Variants in HNF1A observed in about 807,000 individuals in gnomAD.
The protein encoded by HNF1A is HNF1 homeobox A.
A neutral mutation model predicts 62.2 loss-of-function variants in HNF1A; 21 were observed. The ratio of observed to expected loss-of-function variants is 0.34; its 90% CI spans 0.24 to 0.49. The LOEUF is 0.49. Ranked by LOEUF, HNF1A falls within the 20% of genes least tolerant of loss-of-function variation. The pLI, the probability that HNF1A is intolerant of heterozygous loss-of-function variation, is 0.99. For missense variants in HNF1A, 687 were observed against 832.3 expected (o/e 0.83, Z 2.15); for synonymous variants, 374 against 366.8 (o/e 1.02, Z -0.22).
chr12:120,981,122 G>T (rs1237077263), intron 1 of HNF1A, among the ~76,000 whole-genome samples: 3 of 151,874 alleles, frequency 2.0e-5, no homozygotes, highest in African/African-American at 7.3e-5. Flanking sequence ...GAAAAAAGTG[G>T]GGCCTCCAGC....
chr12:120,997,078 G>C, intron 6 of HNF1A: 2 of 1,410,894 alleles, frequency 1.4e-6, no homozygotes, highest in East Asian at 2.9e-5. Flanking sequence ...ATTAAGCCCA[G>C]AAAGCCCTTA....
At position 120,989,047 on chromosome 12, in the gene HNF1A, T is replaced by C. The variant is rs2135833033; in HGVS notation, c.526+15T>C. ...GGTGGCGCAGCGTAAGTAATGACCC[T>C]ACCCCGCATCTTCCCTGGGAGGGCC... On this transcript the variant is annotated intron_variant, in intron 2 of 9. Transcript: ENST00000257555. The C allele has an allele frequency of 1.2e-6, 2 of 1,613,414 alleles. No individual in the cohort carries two copies. The highest frequency in any genetic ancestry group is 1.7e-6 in the Non-Finnish European group (2 of 1,179,612).
rs989574460 is a variant in HNF1A at position 120,999,755 on chromosome 12, G to A, written c.1768+128G>A. The A allele has an allele frequency of 3.2e-6, 4 of 1,253,146 alleles. No homozygotes were observed. In the African/African-American group the frequency reaches 6.0e-5, roughly 19 times the overall value. 77.6% of individuals were successfully genotyped at this position (1,253,146 alleles called of 1,614,324 possible). On this transcript the variant is annotated intron_variant, in intron 9 of 9. Transcript: ENST00000257555. The stretch of plus-strand genomic sequence containing the variant: ...GCAGGCCTAGGGCTGCTGTGAGGAA[G>A]CACTGGCAGGCGTGGAGGGGTGGGG...
At position 120,994,319 on chromosome 12, in the gene HNF1A, C is replaced by T. The variant is rs778231679; in HGVS notation, c.869C>T (p.Pro290Leu). ...GCCATGGACACGTACAGCGGGCCCC[C>T]CCCAGGGCCAGGCCCGGGACCTGCG... ...KLAMDTYSGP[P>L]PGPGPGPALP... The change falls in exon 4 of 10, where the codon CCC (proline) becomes CTC (leucine). Residue 290 changes from proline (P) to leucine (L), a missense_variant. Pro to Leu is a moderately conservative substitution (Grantham distance 98). Transcript: ENST00000257555. The T allele has an allele frequency of 4.3e-6, 7 of 1,610,344 alleles. No homozygotes were observed. Among genetic ancestry groups the T allele is most frequent in the East Asian group, 2.2e-5 (1 of 44,802 alleles).
Position 121,002,455 on chromosome 12 carries a change from G to A in HNF1A, c.*1263G>A, listed in dbSNP as rs1354284833. ...CACCCCCTGCAGCTTGTAGCCAGCC[G>A]GGGCGAGTGGCACGTTTATTTAACT... On this transcript the variant is annotated 3_prime_UTR_variant, in exon 10 of 10. Coordinates refer to ENST00000257555, the MANE Select transcript of HNF1A (RefSeq NM_000545.8). The A allele has an allele frequency of 4.3e-5, 23 of 529,122 alleles. No individual in the cohort carries two copies. The East Asian group carries it at 5.6e-4, about 13-fold the overall frequency. The allele number at this position is 529,122 out of a possible 1,614,324, so 32.8% of individuals were successfully genotyped here.
At position 120,996,197 on chromosome 12, in the gene HNF1A, G is replaced by A; in HGVS notation, c.956-65G>A. The A allele has an allele frequency of 1.3e-6, 2 of 1,588,792 alleles. No homozygotes were observed. The highest frequency in any genetic ancestry group is 1.3e-5 in the African/African-American group (1 of 74,456). On this transcript the variant is annotated intron_variant, in intron 4 of 9. Transcript: ENST00000257555. The surrounding 1 kb of genome is among the most constrained non-coding windows in gnomAD (Gnocchi z 4.5). ...AACCAATGGAGTTTGAAGTGCTGAG[G>A]GCTGTGGAGGCAGGGGAGGGCAGGG...
chr12:120,993,811 G>C (rs1466584008), intron 3 of HNF1A, 105 bp downstream of exon 3: 1 of 1,211,018 alleles, frequency 8.3e-7, no homozygotes, highest in East Asian at 2.5e-5. Flanking sequence ...CAGTTGCCGA[G>C]AACTCCTGAT....
chr12:120,999,917 G>C (rs753282257), intron 9 of HNF1A, among the ~76,000 whole-genome samples: 8 of 152,244 alleles, frequency 5.3e-5, no homozygotes, highest in Non-Finnish European at 1.0e-4. Flanking sequence ...ATAAGGACCA[G>C]GTCTGTGAGC....
rs777653568 is a variant in HNF1A, at chr12:120,978,706, A to C, written c.-63A>C. The C allele has an allele frequency of 6.6e-7, 1 of 1,512,592 alleles. No individual in the cohort carries two copies. The highest frequency in any genetic ancestry group is 9.2e-7 in the Non-Finnish European group (1 of 1,091,926). The allele number at this position is 1,512,592 out of a possible 1,614,324, so 93.7% of individuals were successfully genotyped here. On this transcript the variant is annotated 5_prime_UTR_variant, in exon 1 of 10. Coordinates refer to ENST00000257555, the MANE Select transcript of HNF1A (RefSeq NM_000545.8). ...GCCGGCCGGCAGGCAAACGCAACCC[A>C]CGCGGTGGGGGAGGCGGCTAGCGTG...
chr12:120,988,603 C>T (rs914271244), intron 1 of HNF1A, among the ~76,000 whole-genome samples: 3 of 152,208 alleles, frequency 2.0e-5, no homozygotes, highest in Non-Finnish European at 2.9e-5. Context: ...CATGTGTGTG[C>T]GTCTACAAGT....
chr12:120,978,690 C>A lies in HNF1A; in HGVS notation c.-79C>A. The A allele has an allele frequency of 7.3e-7, 1 of 1,375,640 alleles. No homozygotes were observed. The highest frequency in any genetic ancestry group is 1.0e-6 in the Non-Finnish European group (1 of 969,142). The allele number at this position is 1,375,640 out of a possible 1,614,324, so 85.2% of individuals were successfully genotyped here. A position where few individuals can be genotyped will look rare whatever the true frequency, so the allele number is the denominator to read the frequency against. On this transcript the variant is annotated 5_prime_UTR_variant, in exon 1 of 10. Transcript: ENST00000257555. Reference sequence around the variant, plus strand: ...AGTTTGGTTTGTGTCTGCCGGCCGGCAGGCAAACGCAACCCACGCGGTGGG... The same window carrying A: ...AGTTTGGTTTGTGTCTGCCGGCCGGAAGGCAAACGCAACCCACGCGGTGGG...
intron 9 of HNF1A, among the ~76,000 whole-genome samples, chr12:121,000,161 T>A (rs11065389): frequency 6.6e-6 from 1 of 152,176 alleles, no homozygotes; most frequent in South Asian, 2.1e-4. Flanking sequence ...GAGTTTGTAA[T>A]CTATGATGCC....
chr12:120,994,656 T>C (rs948977789), intron 4 of HNF1A, among the ~76,000 whole-genome samples: 3 of 149,648 alleles, frequency 2.0e-5, no homozygotes, highest in African/African-American at 7.6e-5. Flanking sequence ...CTCCATCCAC[T>C]ACCTTCGACT....
At chr12:121,000,811 C>G (rs757311216) in intron 9 of HNF1A, 3 of 527,224 alleles carry the variant, frequency 5.7e-6, no homozygotes, top group Non-Finnish European at 1.0e-5. Flanking sequence ...AACTACCTAC[C>G]TCGGCATCTC....
In HNF1A at chr12:120,978,760, A is replaced by T; in HGVS notation, c.-9A>T. The T allele has an allele frequency of 6.2e-7, 1 of 1,612,426 alleles. No individual in the cohort carries two copies. The highest frequency in any genetic ancestry group is 8.5e-7 in the Non-Finnish European group (1 of 1,179,698). The stretch of plus-strand genomic sequence containing the variant: ...GACCCGGGCCGCGTGGCCCTGTGGC[A>T]GCCGAGCCATGGTTTCTAAACTGAG... On this transcript the variant is annotated 5_prime_UTR_variant, in exon 1 of 10. Coordinates refer to ENST00000257555, the MANE Select transcript of HNF1A (RefSeq NM_000545.8).
At chr12:120,998,130 A>C in intron 7 of HNF1A, 1 of 311,694 alleles carries the variant, frequency 3.2e-6, no homozygotes, top group Non-Finnish European at 6.2e-6. Context: ...AAGTACAAAA[A>C]TTAGCCAGGC....
intron 1 of HNF1A, among the ~76,000 whole-genome samples, chr12:120,982,317 G>T (rs542374194): frequency 6.6e-6 from 1 of 152,192 alleles, no homozygotes; most frequent in South Asian, 2.1e-4. Flanking sequence ...TGATCCGCCC[G>T]CCTCGGCCTC....
chr12:120,996,509 C>G lies in HNF1A; in HGVS notation c.1108-32C>G, dbSNP rs2135845702. On this transcript the variant is annotated intron_variant, in intron 5 of 9. Coordinates refer to ENST00000257555, the MANE Select transcript of HNF1A (RefSeq NM_000545.8). The surrounding 1 kb of genome is among the most constrained non-coding windows in gnomAD (Gnocchi z 4.5). Reference sequence around the variant, plus strand: ...TAGGGAGGCCCTGTGGGGACCCCGGCCCCCCGGACACAGCTTGGCTTCCCC... The same window carrying G: ...TAGGGAGGCCCTGTGGGGACCCCGGGCCCCCGGACACAGCTTGGCTTCCCC... 1.2e-6 allele frequency: 2 copies of G among 1,611,644 alleles called. No homozygotes were observed. Among genetic ancestry groups the G allele is most frequent in the Non-Finnish European group, 8.5e-7 (1 of 1,178,760 alleles).
Position 120,996,182 on chromosome 12 carries a change from G to A in HNF1A, c.956-80G>A, listed in dbSNP as rs1877086257. On this transcript the variant is annotated intron_variant, in intron 4 of 9. Coordinates refer to ENST00000257555, the MANE Select transcript of HNF1A (RefSeq NM_000545.8). The surrounding 1 kb of genome is among the most constrained non-coding windows in gnomAD (Gnocchi z 4.5). ...CAGCTGGCCTAAGCAAACCAATGGA[G>A]TTTGAAGTGCTGAGGGCTGTGGAGG... 6.4e-7 allele frequency: 1 copy of A among 1,555,242 alleles called. No homozygotes were observed.
Sources: gnomAD v4.1 joint callset for allele counts (sites outside exome capture counted in the v4.1 genomes callset) on GRCh38, gnomAD v4.1.1 for gene constraint, Gnocchi (gnomAD v3.1) non-coding constraint, MANE v1.5 for transcripts, NCBI Gene and HGNC (gene_info 2026-07-23, HGNC 2026-07-21) for gene names.